The following SLC7A1 variants were observed in gnomAD, a reference collection of about 807,000 sequenced individuals.
The protein encoded by SLC7A1 is solute carrier family 7 member 1.
A neutral mutation model predicts 53.9 loss-of-function variants in SLC7A1; 10 were observed. That is an observed-to-expected ratio of 0.19 (90% CI 0.11 to 0.31). The LOEUF (loss-of-function observed/expected upper bound fraction) is 0.31. Among genes scored for constraint, SLC7A1 ranks in the 10% least tolerant of loss-of-function variants. The pLI is 1.00. For missense variants in SLC7A1, 525 were observed against 827.2 expected (o/e 0.63, Z 4.48); for synonymous variants, 342 against 338.7 (o/e 1.01, Z -0.11).
chr13:29,588,198 T>C (rs1469992113), intron 1 of SLC7A1, among the ~76,000 whole-genome samples: 1 of 152,210 alleles, frequency 6.6e-6, no homozygotes, highest in Middle Eastern at 3.2e-3. Context: ...AAGTCAAATA[T>C]GGACTGTGGC....
intron 5 of SLC7A1, among the ~76,000 whole-genome samples, chr13:29,527,741 C>T (rs951775145): frequency 2.6e-5 from 4 of 152,210 alleles, no homozygotes; most frequent in African/African-American, 9.6e-5. Context: ...GGGGTCAGGC[C>T]CGAGGGTCTC....
rs1869396309 is a variant in SLC7A1 at position 29,535,962 on chromosome 13, G to A, written c.227C>T (p.Ala76Val). ...IVISFLIAAL[A>V]SVLAGLCYGE... ...ATAGCACAGGCCAGCCAGCACTGAG[G>A]CCAGCGCAGCGATCAGGAAGGAGAT... The change falls in exon 3 of 13, where the codon GCC (alanine) becomes GTC (valine). Residue 76 changes from alanine (A) to valine (V), a missense_variant. Physicochemically the swap from Ala to Val is moderately conservative, Grantham distance 64. Coordinates refer to ENST00000380752, the MANE Select transcript of SLC7A1 (RefSeq NM_003045.5). 2 of 1,614,074 alleles carry A rather than the reference G, an allele frequency of 1.2e-6. No homozygotes were observed. The highest frequency in any genetic ancestry group is 1.7e-6 in the Non-Finnish European group (2 of 1,180,058).
chr13:29,547,467 G>T (rs985299861), intron 2 of SLC7A1, among the ~76,000 whole-genome samples: 1 of 152,258 alleles, frequency 6.6e-6, no homozygotes, highest in East Asian at 1.9e-4. Context: ...GATGGATTAC[G>T]TGTTACATTA....
chr13:29,544,870 G>A (rs1466942167), intron 2 of SLC7A1, among the ~76,000 whole-genome samples: 1 of 133,754 alleles, frequency 7.5e-6, no homozygotes, highest in African/African-American at 2.6e-5. Flanking sequence ...GCCTCATCGG[G>A]GGGGGGGGGC....
chr13:29,565,976 C>T (rs1870952782), intron 1 of SLC7A1, among the ~76,000 whole-genome samples: 1 of 152,200 alleles, frequency 6.6e-6, no homozygotes, highest in African/African-American at 2.4e-5. Context: ...TAGATCATTA[C>T]TAACCCACCT....
At chr13:29,578,956 A>G (rs1221270851) in intron 1 of SLC7A1, among the ~76,000 whole-genome samples, 1 of 152,204 alleles carries the variant, frequency 6.6e-6, no homozygotes, top group Non-Finnish European at 1.5e-5. Context: ...CGCTGGGGAA[A>G]AGTATGTCCC....
At chr13:29,516,884 C>G in intron 11 of SLC7A1, 1 of 408,744 alleles carries the variant, frequency 2.4e-6, no homozygotes, top group Non-Finnish European at 4.3e-6. Context: ...CGAGGTCTCT[C>G]TTGGCCTGTG....
chr13:29,542,975 A>C (rs534912134), intron 2 of SLC7A1, among the ~76,000 whole-genome samples: 51 of 152,320 alleles, frequency 3.3e-4, no homozygotes, highest in African/African-American at 1.1e-3. Context: ...GACTCCAGGC[A>C]GCTAGTGACA....
chr13:29,528,008 C>T (rs1868975890), intron 5 of SLC7A1, among the ~76,000 whole-genome samples: 1 of 152,244 alleles, frequency 6.6e-6, no homozygotes, highest in African/African-American at 2.4e-5. Flanking sequence ...GTGTCTGCAT[C>T]TGCTGAGAAA....
At chr13:29,559,502 A>G (rs1169187143) in intron 1 of SLC7A1, among the ~76,000 whole-genome samples, 1 of 82,096 alleles carries the variant, frequency 1.2e-5, no homozygotes, top group Non-Finnish European at 2.3e-5. Context: ...AGGGGGAGTG[A>G]ATGTGAGTGA....
chr13:29,550,572 T>G (rs546319120), intron 2 of SLC7A1, among the ~76,000 whole-genome samples: 7 of 152,176 alleles, frequency 4.6e-5, no homozygotes, highest in Non-Finnish European at 1.0e-4. Flanking sequence ...CTCTGGGAGC[T>G]GACAGCAGCC....
intron 1 of SLC7A1, among the ~76,000 whole-genome samples, chr13:29,594,917 A>G (rs1313774176): frequency 1.3e-5 from 2 of 152,028 alleles, no homozygotes; most frequent in Admixed American, 6.5e-5. Flanking sequence ...CAGAGTCCCC[A>G]CCCACGGCTG....
chr13:29,568,452 G>A (rs188808651), intron 1 of SLC7A1, among the ~76,000 whole-genome samples: 2 of 152,318 alleles, frequency 1.3e-5, no homozygotes, highest in African/African-American at 2.4e-5. Flanking sequence ...AGGGCCCCGC[G>A]TAGCTACAAC....
In SLC7A1 at chr13:29,521,100, T is replaced by C. The variant is rs141554390; in HGVS notation, c.1189+1217A>G. ...ACAATGACTATTTCCAAGTCCTTAA[T>C]CCTGTAAATATACTGGTCACATTCT... On this transcript the variant is annotated intron_variant, in intron 8 of 12. Coordinates refer to ENST00000380752, the MANE Select transcript of SLC7A1 (RefSeq NM_003045.5). Among the ~76,000 whole-genome samples the C allele has an allele frequency of 3.7e-3, 558 of 152,342 alleles. 3 individuals carry two copies. The East Asian group carries it at 0.045, about 12-fold the overall frequency.
intron 1 of SLC7A1, among the ~76,000 whole-genome samples, chr13:29,592,086 G>A (rs1433341343): frequency 1.3e-5 from 2 of 152,184 alleles, no homozygotes; most frequent in Non-Finnish European, 2.9e-5. Flanking sequence ...GAAGCCAGGA[G>A]CGGTGCTGTT....
chr13:29,567,223 AT>A (rs1376104957), intron 1 of SLC7A1, among the ~76,000 whole-genome samples: 1 of 152,116 alleles, frequency 6.6e-6, no homozygotes, highest in East Asian at 1.9e-4. Flanking sequence ...AGGTTGCAGC[AT>A]TTTTTGGTTT....
rs370797687 is a variant in SLC7A1, at chr13:29,535,855, T to C, written c.334A>G (p.Ile112Val). The change falls in exon 3 of 13, where the codon ATC (isoleucine) becomes GTC (valine). Residue 112 changes from isoleucine to valine, a missense_variant. Physicochemically the swap from Ile to Val is conservative, Grantham distance 29. This residue lies in a region of SLC7A1 where 354 missense variants were observed against 587.5 expected (regional missense o/e 0.60). Coordinates refer to ENST00000380752, the MANE Select transcript of SLC7A1 (RefSeq NM_003045.5). ...YVTVGELWAF[I>V]TGWNLILSYI... Reference sequence around the variant, plus strand: ...GAGAGGATTAAGTTCCAGCCGGTGATGAAGGCCCAGAGCTCTCCAACGGTG... The same window carrying C: ...GAGAGGATTAAGTTCCAGCCGGTGACGAAGGCCCAGAGCTCTCCAACGGTG... 1.1e-5 allele frequency: 18 copies of C among 1,614,014 alleles called. No homozygotes were observed. The highest frequency in any genetic ancestry group is 4.5e-5 in the East Asian group (2 of 44,882).
intron 8 of SLC7A1, among the ~76,000 whole-genome samples, chr13:29,520,292 G>C (rs1461801394): frequency 6.6e-6 from 1 of 152,136 alleles, no homozygotes; most frequent in East Asian, 1.9e-4. Flanking sequence ...GCCTTCCTGA[G>C]TGTACCCCAC....
intron 2 of SLC7A1, among the ~76,000 whole-genome samples, chr13:29,553,186 GA>G (rs1429986736): frequency 6.6e-6 from 1 of 152,256 alleles, no homozygotes; most frequent in Non-Finnish European, 1.5e-5. Context: ...GGAGTAAGGA[GA>G]AGAGTGAGAA....
Sources: gnomAD v4.1 joint callset for allele counts (sites outside exome capture counted in the v4.1 genomes callset) on GRCh38, gnomAD v4.1.1 for gene constraint, gnomAD v4.1.1 regional missense constraint, MANE v1.5 for transcripts, NCBI Gene and HGNC (gene_info 2026-07-23, HGNC 2026-07-21) for gene names.